Variants in CYB561 observed in about 807,000 individuals in gnomAD.
The protein encoded by CYB561 is transmembrane ascorbate-dependent reductase CYB561.
CYB561 carries 11 observed loss-of-function variants against 25.3 expected under a neutral mutation model. The observed-to-expected ratio is 0.44, with a 90% confidence interval of 0.27 to 0.72. The LOEUF is 0.72. CYB561 is among the 30% of genes least tolerant of loss of function. The pLI, the probability that CYB561 is intolerant of heterozygous loss-of-function variation, is 0.18. For missense variants in CYB561, 295 were observed against 334.9 expected (o/e 0.88, Z 0.93); for synonymous variants, 165 against 158.8 (o/e 1.04, Z -0.29).
intron 1 of CYB561, chr17:63,440,046 C>T (rs1056156436): frequency 1.3e-5 from 5 of 398,146 alleles, no homozygotes; most frequent in African/African-American, 4.1e-5. Flanking sequence ...GACGGGAATA[C>T]GGGATTCCAG....
rs117811570 is a variant in CYB561, at chr17:63,441,705, C to T, written c.-13-4145G>A. Among the ~76,000 whole-genome samples, 91 of 152,330 alleles carry T rather than the reference C, an allele frequency of 6.0e-4. No homozygotes were observed. The East Asian group carries it at 0.014, about 24-fold the overall frequency. ...AGTGGCTGCCTGCTCGTGGCTTTGG[C>T]CTTTCCAAGGCCCAGGAACTAGGGT... is the stretch of plus-strand genomic sequence containing the variant. On this transcript the variant is annotated intron_variant, in intron 1 of 5. Coordinates refer to ENST00000360793, the MANE Select transcript of CYB561 (RefSeq NM_001915.4).
At chr17:63,441,833 C>T (rs866241816) in intron 1 of CYB561, among the ~76,000 whole-genome samples, 3 of 152,236 alleles carry the variant, frequency 2.0e-5, no homozygotes, top group African/African-American at 2.4e-5. Flanking sequence ...CGGTGCCCCC[C>T]CTCCTGTGCC....
At chr17:63,438,328 C>CGCGTCAT in intron 1 of CYB561, 1 of 882,902 alleles carries the variant, frequency 1.1e-6, no homozygotes, top group South Asian at 1.6e-5. Flanking sequence ...TTTCTCCAGA[C>CGCGTCAT]GCGTCATGAA....
chr17:63,435,211 G>A lies in CYB561; in HGVS notation c.438C>T (p.Pro146=), dbSNP rs144417762. ...GGCTCCGCAGGGAGAATGAAGCTCCGGGGAACAGGAAGAAGCTGAAGCCCA... is the reference window on the plus strand; with the variant it reads ...GGCTCCGCAGGGAGAATGAAGCTCCAGGGAACAGGAAGAAGCTGAAGCCCA... ...WLVGFSFFLF[P]GASFSLRSRY... The change falls in exon 5 of 6, where the codon CCC becomes CCT. Residue 146 remains proline, a synonymous_variant. Transcript: ENST00000360793. 1.4e-4 allele frequency: 223 copies of A among 1,613,902 alleles called. No individual in the cohort carries two copies. The highest frequency in any genetic ancestry group is 1.7e-4 in the African/African-American group (13 of 74,942).
In CYB561 at chr17:63,435,179, C is replaced by G; in HGVS notation, c.470G>C (p.Arg157Pro). 1 of 1,614,186 alleles carries G rather than the reference C, an allele frequency of 6.2e-7. No individual in the cohort carries two copies. Among genetic ancestry groups the G allele is most frequent in the Non-Finnish European group, 8.5e-7 (1 of 1,180,028 alleles). Residue 157 changes from arginine to proline, a missense_variant, in exon 5 of 6, where the codon CGC becomes CCC. Coordinates refer to ENST00000360793, the MANE Select transcript of CYB561 (RefSeq NM_001915.4). ...AGCACCAAAGAAGATGTGCTGTGGG[C>G]GGTAGCGGCTCCGCAGGGAGAATGA... ...GASFSLRSRYRPQHIFFGATI... is the reference protein window; with the variant it reads ...GASFSLRSRYPPQHIFFGATI...
intron 1 of CYB561, among the ~76,000 whole-genome samples, chr17:63,445,737 C>T (rs2049417027): frequency 1.3e-5 from 2 of 152,214 alleles, no homozygotes; most frequent in Non-Finnish European, 1.5e-5. Context: ...GGGAAACTCC[C>T]ACCCTCGCGC....
At chr17:63,442,644 G>A (rs1185233812) in intron 1 of CYB561, 1 of 152,220 alleles carries the variant, frequency 6.6e-6, no homozygotes, top group East Asian at 1.9e-4. Flanking sequence ...ACCAGAGGGA[G>A]CTCACGTAGC....
rs1198100485 is a variant in CYB561, at chr17:63,436,788, C to T, written c.202+558G>A. ...AGGTCACGTGAGGAATGCCTCTTAG[C>T]TTTCTGCTGCTCAGGAATGGCTGTC... On this transcript the variant is annotated intron_variant, in intron 2 of 5. Coordinates refer to ENST00000360793, the MANE Select transcript of CYB561 (RefSeq NM_001915.4). The surrounding 1 kb of genome is among the most constrained non-coding windows in gnomAD (Gnocchi z 4.8). 1 of 162,286 alleles carries T rather than the reference C, an allele frequency of 6.2e-6. No homozygotes were observed. The highest frequency in any genetic ancestry group is 1.4e-5 in the Non-Finnish European group (1 of 73,480). 10.1% of individuals were successfully genotyped at this position (162,286 alleles called of 1,614,324 possible). A position where few individuals can be genotyped will look rare whatever the true frequency, so the allele number is the denominator to read the frequency against.
chr17:63,434,291 C>G lies in CYB561; in HGVS notation c.*111G>C. ...GCACTCAAACAGATGCAGCTGCACC[C>G]ACGCGCCCGCCTGCTGCCAGAGCCA... On this transcript the variant is annotated 3_prime_UTR_variant, in exon 6 of 6. Transcript: ENST00000360793. The G allele has an allele frequency of 1.0e-6, 1 of 971,244 alleles. No homozygotes were observed. The allele number at this position is 971,244 out of a possible 1,614,324, so 60.2% of individuals were successfully genotyped here.
At chr17:63,445,526 T>C (rs542076465) in intron 1 of CYB561, among the ~76,000 whole-genome samples, 1 of 134,272 alleles carries the variant, frequency 7.4e-6, no homozygotes, top group East Asian at 2.5e-4. Flanking sequence ...AGGAGAAGTC[T>C]GGGAAGGGGA....
rs1568020791 is a variant in CYB561, at chr17:63,433,506, A to C, written c.*896T>G. 2.5e-6 allele frequency: 1 copy of C among 398,142 alleles called. No individual in the cohort carries two copies. Among genetic ancestry groups the C allele is most frequent in the African/African-American group, 2.1e-5 (1 of 48,616 alleles). 24.7% of individuals were successfully genotyped at this position (398,142 alleles called of 1,614,324 possible). ...GCCCCAGGGGGCTCTAGCCACAGCC[A>C]GCAGCAGCGGTTTTTCATTTAAAAA... On this transcript the variant is annotated 3_prime_UTR_variant, in exon 6 of 6. Coordinates refer to ENST00000360793, the MANE Select transcript of CYB561 (RefSeq NM_001915.4).
Position 63,436,967 on chromosome 17 carries a change from T to TGCGC in CYB561, c.202+375_202+378dup, listed in dbSNP as rs541014367. 7 of 230,932 alleles carry TGCGC rather than the reference T, an allele frequency of 3.0e-5. No homozygotes were observed. Among genetic ancestry groups the TGCGC allele is most frequent in the South Asian group, 1.3e-4 (2 of 15,782 alleles). The allele number at this position is 230,932 out of a possible 1,614,324, so 14.3% of individuals were successfully genotyped here. Reference sequence around the variant, plus strand: ...CCAAGTCCAAGACCAACAACACACATGCGCGCGCACGCACGCACGCATACA... The same window carrying TGCGC: ...CCAAGTCCAAGACCAACAACACACATGCGCGCGCGCGCACGCACGCACGCATACA... On this transcript the variant is annotated intron_variant, in intron 2 of 5. Transcript: ENST00000360793. The surrounding 1 kb of genome is among the most constrained non-coding windows in gnomAD (Gnocchi z 4.8).
At chr17:63,438,009 G>GCTCGCT in intron 1 of CYB561, 1 of 931,420 alleles carries the variant, frequency 1.1e-6, no homozygotes. Context: ...TGGAAGCAGC[G>GCTCGCT]CTCGCTCTCC....
At chr17:63,437,674 A>G (rs1599118192) in intron 1 of CYB561, 114 bp from the exon 2 acceptor site, 27 of 654,796 alleles carry the variant, frequency 4.1e-5, no homozygotes, top group South Asian at 3.1e-4. Context: ...AGATGTACAC[A>G]CCCCTCAAGA....
chr17:63,432,368 G>A lies in CYB561; in HGVS notation c.*2034C>T, dbSNP rs1462642123. Reference sequence around the variant, plus strand: ...AGCACATTGTATTTCACAGAAGATTGGCCACAGGCAAAATAAAATAACCCA... The same window carrying A: ...AGCACATTGTATTTCACAGAAGATTAGCCACAGGCAAAATAAAATAACCCA... On this transcript the variant is annotated 3_prime_UTR_variant, in exon 6 of 6. Transcript: ENST00000360793. 1 of 152,170 alleles carries A rather than the reference G, an allele frequency of 6.6e-6. No homozygotes were observed. Among genetic ancestry groups the A allele is most frequent in the African/African-American group, 2.4e-5 (1 of 41,434 alleles). 9.4% of individuals were successfully genotyped at this position (152,170 alleles called of 1,614,324 possible).
intron 1 of CYB561, among the ~76,000 whole-genome samples, chr17:63,444,200 TG>T (rs541918328): frequency 1.3e-3 from 203 of 152,302 alleles, no homozygotes; most frequent in Middle Eastern, 0.01. Context: ...CCGGGCCAAT[TG>T]TTATTATTTT....
intron 1 of CYB561, chr17:63,437,987 C>CCCCGCGCCCCCCCG: frequency 1.0e-6 from 1 of 986,152 alleles, no homozygotes; most frequent in Non-Finnish European, 1.4e-6. Flanking sequence ...CACCCTCCCC[C>CCCCGCGCCCCCCCG]GAGGCTCCCG....
chr17:63,437,283 T>C, intron 2 of CYB561, 63 bp downstream of exon 2: 1 of 1,362,898 alleles, frequency 7.3e-7, no homozygotes, highest in East Asian at 2.3e-5. Flanking sequence ...ACAAGACCCC[T>C]GCAAACTGCC....
intron 1 of CYB561, chr17:63,437,987 C>CCCA: frequency 1.8e-5 from 18 of 986,152 alleles, no homozygotes; most frequent in South Asian, 6.5e-5. Context: ...CACCCTCCCC[C>CCCA]GAGGCTCCCG....
Sources: allele counts gnomAD v4.1 joint callset (sites outside exome capture counted in the v4.1 genomes callset), GRCh38; gene constraint gnomAD v4.1.1; non-coding constraint Gnocchi (gnomAD v3.1); transcripts MANE v1.5; gene names NCBI Gene and HGNC (gene_info 2026-07-23, HGNC 2026-07-21).